Variants in MID1 observed in about 807,000 individuals in gnomAD.
MID1 encodes the protein E3 ubiquitin-protein ligase Midline-1.
Under a neutral mutation model 40.4 loss-of-function variants are expected in MID1, and 7 were observed. The observed-to-expected ratio is 0.17, with a 90% CI of 0.10 to 0.33. MID1 has a LOEUF of 0.33. Ranked by LOEUF, MID1 falls within the 10% of genes least tolerant of loss-of-function variation. The pLI is 1.00. For synonymous variants in MID1, 229 were observed against 221.2 expected, an observed-to-expected ratio of 1.04 and a Z score of -0.31; for missense variants, 367 against 558.5, an observed-to-expected ratio of 0.66 and a Z score of 3.46.
intron 1 of MID1, among the ~76,000 whole-genome samples, chrX:10,801,103 CA>C (rs1258420556): frequency 1.2e-3 from 115 of 97,479 alleles, no homozygotes; most frequent in East Asian, 2.5e-3. Flanking sequence ...GACTCAGATT[CA>C]AAAAAAAAAA....
rs1491530928 is a variant in MID1 at position 10,566,510 on chromosome X, TCC to T, written c.660+376_660+377del. Reference sequence around the variant, plus strand: ...TTTTATCTGTCATTCTCTCTCTCTCTCCCTCTCTCTCCCTCTCTCTCCCTCTC... The same window carrying T: ...TTTTATCTGTCATTCTCTCTCTCTCTCTCTCTCTCCCTCTCTCTCCCTCTC... On this transcript the variant is annotated intron_variant, in intron 2 of 9. Coordinates refer to ENST00000317552, the MANE Select transcript of MID1 (RefSeq NM_000381.4). Among the ~76,000 whole-genome samples the T allele has an allele frequency of 2.5e-3, 109 of 43,310 alleles. 1 individual carries two copies. The highest frequency in any genetic ancestry group is 5.3e-3 in the African/African-American group (79 of 14,996). The allele number at this position is 43,310 out of a possible 115,157, so 37.6% of individuals were successfully genotyped here. A position where few individuals can be genotyped will look rare whatever the true frequency, so the allele number is the denominator to read the frequency against.
At chrX:10,587,343 G>A (rs147832416) in intron 1 of MID1, among the ~76,000 whole-genome samples, 55 of 112,956 alleles carry the variant, frequency 4.9e-4, no homozygotes, top group Non-Finnish European at 8.4e-4. Context: ...TAAGCTCATC[G>A]CATCCCTTCA....
intron 1 of MID1, among the ~76,000 whole-genome samples, chrX:10,755,525 T>G (rs1338693426): frequency 8.9e-6 from 1 of 112,051 alleles, no homozygotes; most frequent in East Asian, 2.8e-4. Context: ...CCCTACTTCA[T>G]GGCAAAGACA....
intron 1 of MID1, among the ~76,000 whole-genome samples, chrX:10,661,226 T>C (rs964507988): frequency 1.8e-5 from 2 of 111,854 alleles, no homozygotes; most frequent in Non-Finnish European, 3.8e-5. Context: ...ACTGTGGTTA[T>C]GAAAGATGTT....
chrX:10,452,630 G>A (rs1019853298), intron 9 of MID1, among the ~76,000 whole-genome samples: 7 of 112,186 alleles, frequency 6.2e-5, no homozygotes, highest in African/African-American at 9.7e-5. Flanking sequence ...GCATTTAATC[G>A]TAGGGGGTGC....
chrX:10,762,768 G>A lies in MID1; in HGVS notation c.-187+70786C>T, dbSNP rs940258467. ...CAAAGTTCTTTTGAAGGAAAATCAA[G>A]CAGAGCAGATCACTAAACGTATTCC... On this transcript the variant is annotated intron_variant, in intron 1 of 10. Coordinates refer to the MID1 transcript ENST00000380785. 4.5e-5 allele frequency among the ~76,000 whole-genome samples: 5 copies of A among 111,505 alleles called. No homozygotes were observed. The East Asian group carries it at 1.4e-3, about 31-fold the overall frequency.
intron 1 of MID1, among the ~76,000 whole-genome samples, chrX:10,689,613 C>G (rs2043120226): frequency 1.8e-5 from 2 of 111,369 alleles, no homozygotes; most frequent in Non-Finnish European, 1.9e-5. Context: ...ATATCTATAC[C>G]TAAATCTCTA....
chrX:10,458,640 A>AGCC (rs749515331), intron 8 of MID1, among the ~76,000 whole-genome samples: 3 of 111,894 alleles, frequency 2.7e-5, no homozygotes, highest in Non-Finnish European at 3.8e-5. Flanking sequence ...TGAAGAAACT[A>AGCC]GCCATATAGC....
At chrX:10,820,719 C>T (rs1356240381) in intron 1 of MID1, among the ~76,000 whole-genome samples, 1 of 111,793 alleles carries the variant, frequency 8.9e-6, no homozygotes, top group African/African-American at 3.3e-5. Flanking sequence ...AGTTTGCCAT[C>T]TTCAGAATTG....
At chrX:10,768,203 T>G (rs1250307942) in intron 1 of MID1, among the ~76,000 whole-genome samples, 1 of 111,559 alleles carries the variant, frequency 9.0e-6, no homozygotes, top group Non-Finnish European at 1.9e-5. Context: ...ATGAAACTTT[T>G]TTTTAAGTTG....
intron 1 of MID1, among the ~76,000 whole-genome samples, chrX:10,638,318 T>C (rs1045126664): frequency 1.8e-5 from 2 of 112,154 alleles, no homozygotes; most frequent in Non-Finnish European, 3.8e-5. Flanking sequence ...AATACTGTGC[T>C]TTTCCAATGG....
chrX:10,773,356 T>C (rs1334043925), intron 1 of MID1, among the ~76,000 whole-genome samples: 2 of 112,425 alleles, frequency 1.8e-5, no homozygotes, highest in Non-Finnish European at 3.8e-5. Flanking sequence ...AGTTTGTGTG[T>C]TTCAAATCTG....
At chrX:10,738,652 A>G (rs1386993789) in intron 1 of MID1, among the ~76,000 whole-genome samples, 1 of 110,338 alleles carries the variant, frequency 9.1e-6, no homozygotes, top group Non-Finnish European at 1.9e-5. Flanking sequence ...GAAGGGAGAA[A>G]CTCTAAAAAG....
At chrX:10,536,764 G>T (rs780787636) in intron 2 of MID1, among the ~76,000 whole-genome samples, 20 of 112,441 alleles carry the variant, frequency 1.8e-4, no homozygotes, top group African/African-American at 4.8e-4. Flanking sequence ...TGGGAAAACA[G>T]AAAGAGAGGA....
chrX:10,784,235 C>A (rs939740033), intron 1 of MID1, among the ~76,000 whole-genome samples: 1 of 110,701 alleles, frequency 9.0e-6, no homozygotes, highest in African/African-American at 3.3e-5. Context: ...CTCACAAATA[C>A]AGAACTCCAA....
At chrX:10,540,664 C>G (rs1480583041) in intron 2 of MID1, among the ~76,000 whole-genome samples, 1 of 111,146 alleles carries the variant, frequency 9.0e-6, no homozygotes, top group African/African-American at 3.3e-5. Flanking sequence ...ATTAAATCGA[C>G]TAGTGCCAAT....
At chrX:10,669,225 C>CAAAAA (rs1350249196) in intron 1 of MID1, among the ~76,000 whole-genome samples, 9 of 33,929 alleles carry the variant, frequency 2.7e-4, no homozygotes, top group African/African-American at 1.4e-3. Flanking sequence ...GACTCCGTCT[C>CAAAAA]AAAATAAAAA....
intron 2 of MID1, among the ~76,000 whole-genome samples, chrX:10,545,884 G>A (rs1427676031): frequency 9.0e-6 from 1 of 110,893 alleles, no homozygotes; most frequent in Non-Finnish European, 1.9e-5. Flanking sequence ...TTTTATCTTC[G>A]TTTTTTTTCT....
chrX:10,482,425 A>T (rs752530857), intron 5 of MID1, 55 bp downstream of exon 5: 146 of 1,157,727 alleles, frequency 1.3e-4, no homozygotes, highest in Admixed American at 5.5e-4. Context: ...AACCAATCAC[A>T]GCGCAGATAC....
Sources: gnomAD v4.1 joint callset for allele counts (sites outside exome capture counted in the v4.1 genomes callset) on GRCh38, gnomAD v4.1.1 for gene constraint, MANE v1.5 for transcripts, NCBI Gene and HGNC (gene_info 2026-07-23, HGNC 2026-07-21) for gene names.